The following HCK variants were observed in gnomAD, a reference collection of about 807,000 sequenced individuals.
HCK encodes HCK proto-oncogene, Src family tyrosine kinase.
Under a neutral mutation model 70.4 loss-of-function variants are expected in HCK, and 40 were observed. That is an observed-to-expected ratio of 0.57 (90% CI 0.44 to 0.74). The LOEUF (loss-of-function observed/expected upper bound fraction) is 0.74. Among genes scored for constraint, HCK ranks in the 30% least tolerant of loss-of-function variants. HCK has a pLI of 0.00. For synonymous variants in HCK, 245 were observed against 263.2 expected (o/e 0.93, Z 0.67); for missense variants, 568 against 697.2 (o/e 0.81, Z 2.09).
chr20:32,057,118 C>T (rs1347663124), intron 1 of HCK, among the ~76,000 whole-genome samples: 1 of 152,254 alleles, frequency 6.6e-6, no homozygotes, highest in Non-Finnish European at 1.5e-5. Context: ...GAACCCACGA[C>T]TCCAGTGCTC....
chr20:32,079,890 C>T lies in HCK; in HGVS notation c.532+13C>T. On this transcript the variant is annotated intron_variant, in intron 6 of 12. Transcript: ENST00000375852. Reference sequence around the variant, plus strand: ...GAGACCACTAAAGGTGACACCAGCCCTCCCCACCTTGTCCTCCCTGCCGAG... The same window carrying T: ...GAGACCACTAAAGGTGACACCAGCCTTCCCCACCTTGTCCTCCCTGCCGAG... 1 of 1,576,836 alleles carries T rather than the reference C, an allele frequency of 6.3e-7. No homozygotes were observed.
chr20:32,074,799 A>G, intron 5 of HCK, 78 bp downstream of exon 5: 1 of 926,684 alleles, frequency 1.1e-6, no homozygotes, highest in Non-Finnish European at 1.8e-6. Flanking sequence ...ACGTCTGCAC[A>G]CACTGTACCA....
chr20:32,062,688 A>G (rs1220628131), intron 1 of HCK, among the ~76,000 whole-genome samples: 1 of 152,150 alleles, frequency 6.6e-6, no homozygotes, highest in East Asian at 1.9e-4. Context: ...GCTCTATGAG[A>G]AAGAAGCTGA....
At chr20:32,074,066 T>C (rs1309457619) in intron 4 of HCK, among the ~76,000 whole-genome samples, 2 of 152,184 alleles carry the variant, frequency 1.3e-5, no homozygotes, top group Non-Finnish European at 2.9e-5. Context: ...GAAGCCTTTC[T>C]AGGGCTCCTG....
At chr20:32,058,607 C>A (rs953095177) in intron 1 of HCK, among the ~76,000 whole-genome samples, 1 of 110,664 alleles carries the variant, frequency 9.0e-6, no homozygotes, top group African/African-American at 3.5e-5. Flanking sequence ...TATGTCAAAA[C>A]ACACACACAC....
At chr20:32,058,466 G>A (rs929972287) in intron 1 of HCK, among the ~76,000 whole-genome samples, 4 of 151,066 alleles carry the variant, frequency 2.6e-5, no homozygotes, top group Non-Finnish European at 5.9e-5. Flanking sequence ...CGGGAGGCAC[G>A]GTTGCAGTGA....
intron 11 of HCK, among the ~76,000 whole-genome samples, chr20:32,097,209 G>C (rs1354926515): frequency 6.6e-6 from 1 of 151,866 alleles, no homozygotes; most frequent in Non-Finnish European, 1.5e-5. Context: ...GAGCCCAGGA[G>C]GTTGAGGCTG....
At chr20:32,094,778 A>AAAGAAAGAAG (rs1298246555) in intron 11 of HCK, among the ~76,000 whole-genome samples, 1 of 106,172 alleles carries the variant, frequency 9.4e-6, no homozygotes, top group African/African-American at 4.1e-5. Flanking sequence ...AGAAAGAAAG[A>AAAGAAAGAAG]GAGAGAAAGA....
chr20:32,072,954 G>A (rs2045564546), intron 2 of HCK, among the ~76,000 whole-genome samples: 1 of 152,080 alleles, frequency 6.6e-6, no homozygotes, highest in South Asian at 2.1e-4. Context: ...TACAAAATTA[G>A]CCAGGCATGG....
intron 1 of HCK, among the ~76,000 whole-genome samples, chr20:32,057,622 G>A (rs1430458500): frequency 6.6e-6 from 1 of 152,162 alleles, no homozygotes; most frequent in African/African-American, 2.4e-5. Context: ...GAAAAGGAAT[G>A]TGAAGCCTAG....
Position 32,093,983 on chromosome 20 carries a change from G to A in HCK, c.1213G>A (p.Val405Ile), listed in dbSNP as rs1490535900. The A allele has an allele frequency of 1.2e-6, 2 of 1,614,028 alleles. No homozygotes were observed. The highest frequency in any genetic ancestry group is 1.1e-5 in the South Asian group (1 of 91,076). ...GATTGCTGACTTTGGCCTGGCCCGGGTCATTGAGGACAACGAGTACACGGC... is the reference window on the plus strand; with the variant it reads ...GATTGCTGACTTTGGCCTGGCCCGGATCATTGAGGACAACGAGTACACGGC... The change falls in exon 11 of 13, where the codon GTC becomes ATC. Residue 405 changes from valine to isoleucine, a missense_variant. Around this residue, in one of 4 missense-constraint regions of HCK, gnomAD observed 160 missense variants for 237.5 expected, o/e 0.67. Transcript: ENST00000375852.
chr20:32,086,879 G>A, intron 9 of HCK, 72 bp downstream of exon 9: 1 of 1,404,660 alleles, frequency 7.1e-7, no homozygotes, highest in Non-Finnish European at 9.5e-7. Flanking sequence ...GGGTGGCTTG[G>A]ACATGGTTCT....
chr20:32,057,678 C>T (rs1207922079), intron 1 of HCK, among the ~76,000 whole-genome samples: 1 of 152,172 alleles, frequency 6.6e-6, no homozygotes, highest in African/African-American at 2.4e-5. Context: ...GTTAGTAGCA[C>T]AATCTCTCTC....
At position 32,071,593 on chromosome 20, in the gene HCK, C is replaced by T. The variant is rs1484144379; in HGVS notation, c.63-69C>T. ...CCCGGGGGCAGGGGACCTGGAATGC[C>T]AGCATCAGAAGACTTCCCCGCATGA... On this transcript the variant is annotated intron_variant, in intron 1 of 12. Transcript: ENST00000375852. The T allele has an allele frequency of 2.5e-6, 4 of 1,577,486 alleles. No individual in the cohort carries two copies. The Admixed American group carries it at 5.3e-5, about 21-fold the overall frequency.
chr20:32,083,980 G>A lies in HCK; in HGVS notation c.619G>A (p.Gly207Ser), dbSNP rs566299253. 8 of 1,614,196 alleles carry A rather than the reference G, an allele frequency of 5.0e-6. No individual in the cohort carries two copies. The highest frequency in any genetic ancestry group is 5.1e-6 in the Non-Finnish European group (6 of 1,180,046). ...CAAGATCCGGACCCTGGACAACGGG[G>A]GCTTCTACATATCCCCCCGAAGCAC... The change falls in exon 7 of 13, where the codon GGC becomes AGC. Residue 207 changes from glycine to serine, a missense_variant. Gly to Ser is a moderately conservative substitution (Grantham distance 56). This residue lies in a region of HCK where 318 missense variants were observed against 336.0 expected (regional missense o/e 0.95). Coordinates refer to ENST00000375852, the MANE Select transcript of HCK (RefSeq NM_002110.5).
intron 11 of HCK, 81 bp from the exon 12 acceptor site, chr20:32,098,923 C>T: frequency 6.6e-7 from 1 of 1,509,912 alleles, no homozygotes; most frequent in Non-Finnish European, 9.1e-7. Context: ...AGCTCTTGCC[C>T]TTGCCTGTTC....
intron 4 of HCK, among the ~76,000 whole-genome samples, chr20:32,074,221 C>G (rs1384865241): frequency 6.6e-6 from 1 of 152,142 alleles, no homozygotes; most frequent in East Asian, 1.9e-4. Context: ...TGCTGAAGCC[C>G]GAGAACGGGA....
At chr20:32,055,533 G>A (rs1023763340) in intron 1 of HCK, among the ~76,000 whole-genome samples, 10 of 151,924 alleles carry the variant, frequency 6.6e-5, no homozygotes, top group African/African-American at 1.9e-4. Flanking sequence ...CATTTTCCAG[G>A]TCATTAAAAT....
intron 5 of HCK, among the ~76,000 whole-genome samples, chr20:32,075,445 T>C (rs1191205022): frequency 1.3e-5 from 2 of 152,020 alleles, no homozygotes; most frequent in Non-Finnish European, 2.9e-5. Context: ...TCAAGTGATC[T>C]TCTCGCCTCA....
Sources: allele counts gnomAD v4.1 joint callset (sites outside exome capture counted in the v4.1 genomes callset), GRCh38; gene constraint gnomAD v4.1.1; regional missense constraint gnomAD v4.1.1; transcripts MANE v1.5; gene names NCBI Gene and HGNC (gene_info 2026-07-23, HGNC 2026-07-21).